EYS: variants seen among roughly 807,000 people sequenced by gnomAD.
EYS encodes EGF-like photoreceptor maintenance factor.
EYS carries 250 observed loss-of-function variants against 282.1 expected under a neutral mutation model. The ratio of observed to expected loss-of-function variants is 0.89; its 90% CI spans 0.80 to 0.98. EYS has a LOEUF of 0.98. Ranked by LOEUF, EYS falls within the 50% of genes least tolerant of loss-of-function variation. The pLI, the probability that EYS is intolerant of heterozygous loss-of-function variation, is 0.00. For synonymous variants in EYS, 1,355 were observed against 1,282.9 expected (o/e 1.06, Z -1.20); for missense variants, 4,016 against 3,709.0 (o/e 1.08, Z -2.15).
chr6:65,008,013 T>C (rs754775515), intron 13 of EYS, among the ~76,000 whole-genome samples: 6 of 152,096 alleles, frequency 3.9e-5, no homozygotes, highest in Non-Finnish European at 8.8e-5. Flanking sequence ...AGGTCAATGA[T>C]AGGATGACAA....
chr6:63,842,875 A>T lies in EYS; in HGVS notation c.7228+21311T>A, dbSNP rs539131690. Among the ~76,000 whole-genome samples, 7 of 152,252 alleles carry T rather than the reference A, an allele frequency of 4.6e-5. 1 individual carries two copies. The highest frequency in any genetic ancestry group is 4.6e-4 in the Admixed American group (7 of 15,274). ...TTATTAAATAGGGAATTTTTTCCCC[A>T]TTGCTTGTTTGTGTTAGGTTTGTCA... On this transcript the variant is annotated intron_variant, in intron 36 of 42. Coordinates refer to ENST00000503581, the MANE Select transcript of EYS (RefSeq NM_001142800.2).
chr6:63,883,641 C>T (rs568847525), intron 35 of EYS, among the ~76,000 whole-genome samples: 4 of 152,306 alleles, frequency 2.6e-5, no homozygotes, highest in Non-Finnish European at 4.4e-5. Flanking sequence ...CTTCCTGTCC[C>T]GAGTCTTTCC....
In EYS at chr6:64,825,472, G is replaced by A. The variant is rs1166846016; in HGVS notation, c.2993-2650C>T. ...TAAAAAATAAATCCTTGTCATATAC[G>A]TGTGTGTGGGTTTATGTGTGCATGT... On this transcript the variant is annotated intron_variant, in intron 19 of 42. Transcript: ENST00000503581. 4.6e-5 allele frequency among the ~76,000 whole-genome samples: 7 copies of A among 151,760 alleles called. No individual in the cohort carries two copies. In the South Asian group the frequency reaches 6.2e-4, roughly 13 times the overall value.
At chr6:64,072,057 T>TTATTGAGA (rs1355298611) in intron 32 of EYS, among the ~76,000 whole-genome samples, 1 of 151,928 alleles carries the variant, frequency 6.6e-6, no homozygotes, top group African/African-American at 2.4e-5. Context: ...GCTATAGAAC[T>TTATTGAGA]TATTGAGAAT....
intron 29 of EYS, among the ~76,000 whole-genome samples, chr6:64,321,427 G>A (rs928197746): frequency 2.0e-5 from 3 of 151,712 alleles, no homozygotes; most frequent in African/African-American, 7.3e-5. Flanking sequence ...AATAATATAA[G>A]GCTGATGTAA....
At chr6:64,968,942 T>C (rs1404969658) in intron 14 of EYS, among the ~76,000 whole-genome samples, 1 of 152,216 alleles carries the variant, frequency 6.6e-6, no homozygotes, top group Admixed American at 6.5e-5. Flanking sequence ...CAATTCAAGA[T>C]ATCTCTAATG....
chr6:64,009,718 C>A (rs1227053299), intron 33 of EYS, among the ~76,000 whole-genome samples: 1 of 152,010 alleles, frequency 6.6e-6, no homozygotes, highest in African/African-American at 2.4e-5. Context: ...ATTCTGAATT[C>A]AATTTTGTCA....
intron 5 of EYS, among the ~76,000 whole-genome samples, chr6:65,449,803 T>C (rs1262502681): frequency 6.6e-6 from 1 of 152,074 alleles, no homozygotes; most frequent in African/African-American, 2.4e-5. Context: ...AATTCTACTC[T>C]TCTCTGTTTT....
At chr6:64,403,718 A>T (rs1387560164) in intron 28 of EYS, among the ~76,000 whole-genome samples, 1 of 152,158 alleles carries the variant, frequency 6.6e-6, no homozygotes, top group Non-Finnish European at 1.5e-5. Context: ...GCAATCCTGA[A>T]AAGAATATTG....
chr6:65,176,446 C>A (rs900859106), intron 12 of EYS, among the ~76,000 whole-genome samples: 1 of 151,432 alleles, frequency 6.6e-6, no homozygotes, highest in Admixed American at 6.6e-5. Flanking sequence ...AGTAAAGATT[C>A]ACAACACAAA....
At chr6:65,667,407 G>A (rs1582582356) in intron 1 of EYS, among the ~76,000 whole-genome samples, 1 of 151,706 alleles carries the variant, frequency 6.6e-6, no homozygotes, top group Middle Eastern at 3.4e-3. Context: ...TCTATTTCTG[G>A]AACACATTTA....
chr6:64,956,499 TG>T (rs1184852574), intron 14 of EYS, among the ~76,000 whole-genome samples: 1 of 152,118 alleles, frequency 6.6e-6, no homozygotes, highest in Non-Finnish European at 1.5e-5. Context: ...CACAGAAAAC[TG>T]GGGAAAATCT....
intron 26 of EYS, among the ~76,000 whole-genome samples, chr6:64,530,389 C>T (rs1008440262): frequency 3.3e-5 from 5 of 151,798 alleles, no homozygotes; most frequent in Non-Finnish European, 5.9e-5. Flanking sequence ...TAGACAGATA[C>T]TCTTACATGT....
At chr6:64,089,419 T>G (rs1373366614) in intron 31 of EYS, among the ~76,000 whole-genome samples, 1 of 149,602 alleles carries the variant, frequency 6.7e-6, no homozygotes, top group African/African-American at 2.4e-5. Context: ...CAATTTATAA[T>G]TTTCAGTGAT....
chr6:65,436,289 T>C (rs1768071723), intron 5 of EYS, among the ~76,000 whole-genome samples: 1 of 152,142 alleles, frequency 6.6e-6, no homozygotes, highest in African/African-American at 2.4e-5. Flanking sequence ...AATCTGACAA[T>C]GGCTACTTAC....
At chr6:64,306,734 G>T (rs983860646) in intron 30 of EYS, among the ~76,000 whole-genome samples, 1 of 152,054 alleles carries the variant, frequency 6.6e-6, no homozygotes, top group Non-Finnish European at 1.5e-5. Context: ...TTGTTGGATG[G>T]TATATTTTAT....
intron 35 of EYS, among the ~76,000 whole-genome samples, chr6:63,926,993 G>T (rs778026910): frequency 9.9e-5 from 15 of 152,154 alleles, no homozygotes; most frequent in Non-Finnish European, 2.2e-4. Context: ...TTTCACAACA[G>T]CTTTGGGAGA....
chr6:65,528,556 C>A (rs961342499), intron 2 of EYS, among the ~76,000 whole-genome samples: 3 of 152,210 alleles, frequency 2.0e-5, no homozygotes, highest in African/African-American at 7.2e-5. Context: ...CCCCCTCTTG[C>A]CGTCTCTCAC....
chr6:65,253,472 G>A (rs1301033174), intron 12 of EYS, among the ~76,000 whole-genome samples: 1 of 151,730 alleles, frequency 6.6e-6, no homozygotes, highest in Non-Finnish European at 1.5e-5. Context: ...ACTGTTTTAT[G>A]ACCTAGCAGA....
Sources: gnomAD v4.1 joint callset for allele counts (sites outside exome capture counted in the v4.1 genomes callset) on GRCh38, gnomAD v4.1.1 for gene constraint, MANE v1.5 for transcripts, NCBI Gene and HGNC (gene_info 2026-07-23, HGNC 2026-07-21) for gene names.